CDH19: variants seen among roughly 807,000 people sequenced by gnomAD.
CDH19 encodes the protein cadherin-19.
CDH19 carries 67 observed loss-of-function variants against 64.2 expected under a neutral mutation model. That is an observed-to-expected ratio of 1.04 (90% CI 0.86 to 1.28). The LOEUF is 1.28. CDH19 is among the 50% of genes most tolerant of loss of function. The probability of loss-of-function intolerance (pLI) is 0.00; values close to 1 mark genes in which losing one functional copy is unlikely to be tolerated. For missense variants in CDH19, 1,030 were observed against 929.0 expected (o/e 1.11, Z -1.41); for synonymous variants, 346 against 319.3 (o/e 1.08, Z -0.89).
At position 66,554,392 on chromosome 18, in the gene CDH19, C is replaced by T; in HGVS notation, c.610+13G>A. On this transcript the variant is annotated intron_variant, in intron 4 of 11. Coordinates refer to ENST00000262150, the MANE Select transcript of CDH19 (RefSeq NM_021153.4). ...GAATCATGTTAAACTTTGCTTGTTT[C>T]ATTCACAAATACCTGTTGTTGGTTC... The T allele has an allele frequency of 1.2e-6, 2 of 1,609,574 alleles. No individual in the cohort carries two copies. The highest frequency in any genetic ancestry group is 1.1e-5 in the South Asian group (1 of 90,632).
rs890796254 is a variant in CDH19 at position 66,504,011 on chromosome 18, A to G, written c.*801T>C. 3.6e-4 allele frequency: 54 copies of G among 152,010 alleles called. No homozygotes were observed. Among genetic ancestry groups the G allele is most frequent in the African/African-American group, 1.1e-3 (45 of 41,458 alleles). The allele number at this position is 152,010 out of a possible 1,614,324, so 9.4% of individuals were successfully genotyped here. ...ACATTTTATTCTTACAGTGTGAAAG[A>G]TGAAAATTGAGTAAATAAAATAACA... On this transcript the variant is annotated 3_prime_UTR_variant, in exon 12 of 12. Transcript: ENST00000262150.
intron 3 of CDH19, among the ~76,000 whole-genome samples, chr18:66,562,512 C>T (rs1285903810): frequency 6.6e-6 from 1 of 151,940 alleles, no homozygotes; most frequent in East Asian, 1.9e-4. Flanking sequence ...AGCTCTTTTG[C>T]CTGCTGCTCA....
intron 11 of CDH19, among the ~76,000 whole-genome samples, chr18:66,508,342 T>A (rs9948644): frequency 0.28 from 42,545 of 151,186 alleles, 6,588 homozygotes; most frequent in African/African-American, 0.41. Context: ...GTAACTATAG[T>A]TAATAATAAG....
chr18:66,518,264 A>C (rs1199434120), intron 9 of CDH19, among the ~76,000 whole-genome samples: 1 of 151,630 alleles, frequency 6.6e-6, no homozygotes, highest in Non-Finnish European at 1.5e-5. Flanking sequence ...ATGGAGTTTC[A>C]CTCTTGTCAC....
intron 5 of CDH19, among the ~76,000 whole-genome samples, chr18:66,550,749 T>A (rs531144469): frequency 6.6e-6 from 1 of 152,214 alleles, no homozygotes; most frequent in East Asian, 1.9e-4. Flanking sequence ...TCTATATACA[T>A]GTAAACTGAA....
At chr18:66,569,242 A>G (rs1298221892) in intron 2 of CDH19, among the ~76,000 whole-genome samples, 3 of 151,676 alleles carry the variant, frequency 2.0e-5, no homozygotes, top group Non-Finnish European at 4.4e-5. Flanking sequence ...AAATCTATAA[A>G]TTGCTTTATA....
intron 1 of CDH19, among the ~76,000 whole-genome samples, chr18:66,575,771 T>C (rs1392655037): frequency 2.0e-5 from 3 of 151,714 alleles, no homozygotes; most frequent in African/African-American, 7.3e-5. Context: ...AAAAATAGAA[T>C]CACCAGAAAT....
In CDH19 at chr18:66,529,938, TG is replaced by T; in HGVS notation, c.1364del (p.Pro455HisfsTer33). ...TGATGTTAAGAACTTGCACATACAG[TG>T]GGATCGAAGAGATCTGTTCTATATT... ...KYNIEQISSI[P>X]LYVQVLNIND... On this transcript the variant is annotated frameshift_variant, in exon 9 of 12. Coordinates refer to ENST00000262150, the MANE Select transcript of CDH19 (RefSeq NM_021153.4). LOFTEE classifies it high-confidence loss of function. 6.4e-7 allele frequency: 1 copy of T among 1,562,850 alleles called. No individual in the cohort carries two copies. The highest frequency in any genetic ancestry group is 1.1e-5 in the South Asian group (1 of 87,470).
intron 9 of CDH19, among the ~76,000 whole-genome samples, chr18:66,517,288 A>G (rs1279084792): frequency 3.3e-5 from 5 of 152,142 alleles, no homozygotes; most frequent in Non-Finnish European, 7.4e-5. Context: ...CATGGAGACA[A>G]GGTAAATGTC....
At chr18:66,590,925 G>T (rs1988725467) in intron 1 of CDH19, among the ~76,000 whole-genome samples, 1 of 151,846 alleles carries the variant, frequency 6.6e-6, no homozygotes, top group South Asian at 2.1e-4. Flanking sequence ...CCTGTTTGGG[G>T]TCTATCATTT....
chr18:66,578,362 T>A (rs1988326036), intron 1 of CDH19, among the ~76,000 whole-genome samples: 1 of 151,894 alleles, frequency 6.6e-6, no homozygotes, highest in Non-Finnish European at 1.5e-5. Flanking sequence ...GTAAAATAAG[T>A]TAAAAAATGA....
chr18:66,508,341 G>C (rs1985301817), intron 11 of CDH19, among the ~76,000 whole-genome samples: 1 of 150,956 alleles, frequency 6.6e-6, no homozygotes, highest in African/African-American at 2.4e-5. Context: ...GGTAACTATA[G>C]TTAATAATAA....
chr18:66,524,560 AT>A (rs1568177981), intron 9 of CDH19, among the ~76,000 whole-genome samples: 20 of 141,596 alleles, frequency 1.4e-4, no homozygotes, highest in African/African-American at 3.5e-4. Flanking sequence ...ATATATATAT[AT>A]ATATATATAA....
intron 1 of CDH19, among the ~76,000 whole-genome samples, chr18:66,586,856 T>C (rs1164946763): frequency 2.0e-5 from 3 of 152,144 alleles, no homozygotes; most frequent in Admixed American, 6.6e-5. Flanking sequence ...TGGAATATCT[T>C]TTGGAATGCG....
chr18:66,532,489 TACACACAC>T (rs34280650), intron 8 of CDH19: 22 of 146,738 alleles, frequency 1.5e-4, no homozygotes, highest in African/African-American at 4.6e-4. Flanking sequence ...AGAGCATTCA[TACACACAC>T]ACACACACAC....
chr18:66,508,765 C>T (rs200101409), intron 11 of CDH19, among the ~76,000 whole-genome samples: 3 of 99,658 alleles, frequency 3.0e-5, no homozygotes, highest in Non-Finnish European at 6.5e-5. Context: ...CATACTCATA[C>T]AATTCAAAGA....
At chr18:66,509,271 A>C (rs1985355193) in intron 10 of CDH19, 25 bp from the exon 11 acceptor site, 1 of 1,606,096 alleles carries the variant, frequency 6.2e-7, no homozygotes, top group African/African-American at 1.3e-5. Context: ...CATGTGCATA[A>C]TTTTTTCAAC....
chr18:66,534,669 A>G (rs1268931186), intron 8 of CDH19, among the ~76,000 whole-genome samples: 1 of 151,946 alleles, frequency 6.6e-6, no homozygotes, highest in East Asian at 1.9e-4. Context: ...AGAAAAATTT[A>G]CAACCCGAAA....
rs1176087622 is a variant in CDH19, at chr18:66,572,575, G to C, written c.-112-259C>G. Reference sequence around the variant, plus strand: ...GCCTGAAAGTTGAAAGATTGCTCTGGGAGTCTCCTGGATTGACAGCTGACA... The same window carrying C: ...GCCTGAAAGTTGAAAGATTGCTCTGCGAGTCTCCTGGATTGACAGCTGACA... On this transcript the variant is annotated intron_variant, in intron 1 of 11. Coordinates refer to ENST00000262150, the MANE Select transcript of CDH19 (RefSeq NM_021153.4). Among the ~76,000 whole-genome samples the C allele has an allele frequency of 2.0e-5, 3 of 151,624 alleles. No individual in the cohort carries two copies. In the East Asian group the frequency reaches 5.8e-4, roughly 29 times the overall value.
Sources: allele counts gnomAD v4.1 joint callset (sites outside exome capture counted in the v4.1 genomes callset), GRCh38; gene constraint gnomAD v4.1.1; transcripts MANE v1.5; gene names NCBI Gene and HGNC (gene_info 2026-07-23, HGNC 2026-07-21).